Variants in DNAH5 observed in about 807,000 individuals in gnomAD.
DNAH5 encodes the protein axonemal beta dynein heavy chain 5.
Under a neutral mutation model 518.2 loss-of-function variants are expected in DNAH5, and 372 were observed. The ratio of observed to expected loss-of-function variants is 0.72; its 90% CI spans 0.66 to 0.78. The LOEUF (loss-of-function observed/expected upper bound fraction) is 0.78. Ranked by LOEUF, DNAH5 falls within the 30% of genes least tolerant of loss-of-function variation. The pLI is 0.00. For synonymous variants in DNAH5, 2,039 were observed against 2,025.9 expected, an observed-to-expected ratio of 1.01 and a Z score of -0.17; for missense variants, 5,523 against 5,687.0, an observed-to-expected ratio of 0.97 and a Z score of 0.93.
chr5:13,964,426 T>A (rs1781398296), intron 1 of DNAH5, among the ~76,000 whole-genome samples: 1 of 152,172 alleles, frequency 6.6e-6, no homozygotes, highest in Non-Finnish European at 1.5e-5. Context: ...TATTGGAATG[T>A]TACTGAAAAG....
intron 1 of DNAH5, among the ~76,000 whole-genome samples, chr5:13,956,013 C>T (rs1451387880): frequency 3.3e-5 from 5 of 152,164 alleles, no homozygotes; most frequent in African/African-American, 7.2e-5. Flanking sequence ...CTGCAAACCA[C>T]CACCGCTGTC....
intron 1 of DNAH5, among the ~76,000 whole-genome samples, chr5:13,997,992 T>C (rs1285872438): frequency 1.3e-5 from 2 of 152,022 alleles, no homozygotes; most frequent in Non-Finnish European, 2.9e-5. Flanking sequence ...TACAGGCATG[T>C]ACCACCACGC....
intron 17 of DNAH5, among the ~76,000 whole-genome samples, chr5:13,888,247 C>T (rs930903240): frequency 6.6e-6 from 1 of 152,170 alleles, no homozygotes; most frequent in African/African-American, 2.4e-5. Context: ...CCAAGCCTAC[C>T]CCTTTCTTCC....
intron 2 of DNAH5, among the ~76,000 whole-genome samples, chr5:13,930,252 A>G (rs1054340076): frequency 3.3e-5 from 5 of 152,200 alleles, no homozygotes; most frequent in African/African-American, 1.2e-4. Context: ...CCAATGGATC[A>G]TAACTCTTTA....
At chr5:13,727,169 G>A (rs1421121123) in intron 70 of DNAH5, among the ~76,000 whole-genome samples, 1 of 152,148 alleles carries the variant, frequency 6.6e-6, no homozygotes, top group Non-Finnish European at 1.5e-5. Context: ...GCAAAATGGA[G>A]CAGCCATATA....
In DNAH5 at chr5:13,998,191, G is replaced by A. The variant is rs541507510; in HGVS notation, c.12+13457C>T. ...TGTAAAGTCCAAGATCAAGATGCTG[G>A]CAGGTTCAGTGTCTGGCGAGGGCTC... On this transcript the variant is annotated intron_variant, in intron 1 of 78. Transcript: ENST00000681290. Among the ~76,000 whole-genome samples, 11 of 152,256 alleles carry A rather than the reference G, an allele frequency of 7.2e-5. No homozygotes were observed. The East Asian group carries it at 1.9e-3, about 27-fold the overall frequency.
chr5:13,894,842 AG>A (rs1265352057), intron 15 of DNAH5, 21 bp from the exon 16 acceptor site: 1 of 1,610,406 alleles, frequency 6.2e-7, no homozygotes, highest in African/African-American at 1.3e-5. Flanking sequence ...ATTGGGGTTA[AG>A]TAATCAATTA....
chr5:13,769,841 G>C (rs1172965412), intron 56 of DNAH5, among the ~76,000 whole-genome samples: 1 of 152,166 alleles, frequency 6.6e-6, no homozygotes, highest in Non-Finnish European at 1.5e-5. Context: ...GAACCTGCTA[G>C]AACACACGAC....
chr5:13,703,848 G>GCCTCACAT, intron 76 of DNAH5, among the ~76,000 whole-genome samples: 1 of 152,294 alleles, frequency 6.6e-6, no homozygotes, highest in Admixed American at 6.5e-5. Context: ...ATACTTCTCA[G>GCCTCACAT]CCTCACATGC....
At chr5:13,789,055 T>G (rs1756531069) in intron 50 of DNAH5, 141 bp from the exon 51 acceptor site, 1 of 713,902 alleles carries the variant, frequency 1.4e-6, no homozygotes. Context: ...TATGCTCAAC[T>G]TCACTTCAAA....
intron 66 of DNAH5, 107 bp from the exon 67 acceptor site, chr5:13,736,039 G>T: frequency 1.2e-6 from 1 of 831,904 alleles, no homozygotes; most frequent in Non-Finnish European, 2.1e-6. Flanking sequence ...TTTTATTTTA[G>T]GCAGTGGCTG....
At chr5:13,703,811 G>C (rs1020580063) in intron 76 of DNAH5, among the ~76,000 whole-genome samples, 1 of 152,196 alleles carries the variant, frequency 6.6e-6, no homozygotes, top group South Asian at 2.1e-4. Flanking sequence ...GACACATTCT[G>C]CTCATCAGAT....
intron 50 of DNAH5, 34 bp downstream of exon 50, chr5:13,791,960 T>G: frequency 6.7e-7 from 1 of 1,485,600 alleles, no homozygotes; most frequent in Non-Finnish European, 9.4e-7. Flanking sequence ...TTAATAGCAA[T>G]GTTATTTGTT....
In DNAH5 at chr5:13,701,390, A is replaced by G. The variant is rs750565633; in HGVS notation, c.13385T>C (p.Ile4462Thr). Residue 4462 changes from isoleucine to threonine, a missense_variant, in exon 77 of 79, where the codon ATA becomes ACA. Ile to Thr is a moderately conservative substitution (Grantham distance 89). Coordinates refer to ENST00000265104, the MANE Select transcript of DNAH5 (RefSeq NM_001369.3). ...CGAGGTAAACTGGCTGTTTCTTTCT[A>G]TAAGTTCAGTAAACCAGAAACCCAG... ...STLGFWFTEL[I>T]ERNSQFTSWV... 16 of 1,614,004 alleles carry G rather than the reference A, an allele frequency of 9.9e-6. No individual in the cohort carries two copies. The South Asian group carries it at 1.1e-4, about 11-fold the overall frequency.
At chr5:13,915,078 G>A (rs1312701428) in intron 9 of DNAH5, among the ~76,000 whole-genome samples, 6 of 152,058 alleles carry the variant, frequency 3.9e-5, no homozygotes, top group Admixed American at 1.3e-4. Context: ...GGAGAAGGCC[G>A]CAGAGAGAAG....
intron 60 of DNAH5, among the ~76,000 whole-genome samples, chr5:13,760,146 A>C (rs1289302650): frequency 1.3e-5 from 2 of 152,234 alleles, no homozygotes; most frequent in Non-Finnish European, 2.9e-5. Context: ...TTACAACTTA[A>C]AGTCACCTGC....
chr5:13,736,401 A>G (rs1434578954), intron 66 of DNAH5, among the ~76,000 whole-genome samples: 1 of 151,918 alleles, frequency 6.6e-6, no homozygotes, highest in East Asian at 1.9e-4. Context: ...AATTATTATT[A>G]TTATTTTGTT....
At chr5:13,744,142 T>C (rs1250680335) in intron 65 of DNAH5, among the ~76,000 whole-genome samples, 1 of 152,074 alleles carries the variant, frequency 6.6e-6, no homozygotes. Context: ...AATGGAATAC[T>C]ATTCAGCAAT....
At chr5:13,845,889 G>A (rs1765930881) in intron 31 of DNAH5, among the ~76,000 whole-genome samples, 1 of 143,206 alleles carries the variant, frequency 7.0e-6, no homozygotes, top group African/African-American at 2.6e-5. Context: ...GGAGTGCAGT[G>A]GCATGACCTT....
Sources: allele counts gnomAD v4.1 joint callset (sites outside exome capture counted in the v4.1 genomes callset), GRCh38; gene constraint gnomAD v4.1.1; transcripts MANE v1.5; gene names NCBI Gene and HGNC (gene_info 2026-07-23, HGNC 2026-07-21).